RBBP8: variants seen among roughly 807,000 people sequenced by gnomAD.
The protein encoded by RBBP8 is DNA endonuclease RBBP8.
Under a neutral mutation model 108.3 loss-of-function variants are expected in RBBP8, and 88 were observed. That is an observed-to-expected ratio of 0.81 (90% CI 0.68 to 0.97). The LOEUF is 0.97. Among genes scored for constraint, RBBP8 ranks in the 50% least tolerant of loss-of-function variants. RBBP8 has a pLI of 0.00. For synonymous variants in RBBP8, 332 were observed against 348.2 expected (o/e 0.95, Z 0.52); for missense variants, 1,023 against 1,049.0 (o/e 0.98, Z 0.34).
chr18:22,946,197 A>G (rs915128136), intron 2 of RBBP8: 5 of 420,642 alleles, frequency 1.2e-5, no homozygotes, highest in Admixed American at 7.6e-5. Flanking sequence ...TTGCCCTGCT[A>G]TTAGAAAAGT....
Position 22,984,961 on chromosome 18 carries a change from C to A in RBBP8, c.680C>A (p.Thr227Asn). The part of the protein sequence containing the change: ...PNENEILVAD[T>N]YDQSQSPMAK... Reference sequence around the variant, plus strand: ...GAAAATGAAATTCTAGTAGCTGACACTTATGACCAAAGTCAATCTCCAATG... The same window carrying A: ...GAAAATGAAATTCTAGTAGCTGACAATTATGACCAAAGTCAATCTCCAATG... Residue 227 changes from threonine to asparagine, a missense_variant, in exon 8 of 19, where the codon ACT becomes AAT. Physicochemically the swap from Thr to Asn is moderately conservative, Grantham distance 65. Coordinates refer to ENST00000327155, the MANE Select transcript of RBBP8 (RefSeq NM_002894.3). The A allele has an allele frequency of 6.2e-7, 1 of 1,611,826 alleles. No homozygotes were observed. The highest frequency in any genetic ancestry group is 8.5e-7 in the Non-Finnish European group (1 of 1,178,414).
At chr18:23,022,637 T>TA (rs376205689) in intron 18 of RBBP8, among the ~76,000 whole-genome samples, 27,480 of 66,544 alleles carry the variant, frequency 0.41, 6,620 homozygotes, top group Middle Eastern at 0.56. Flanking sequence ...TAAAATAAAA[T>TA]AAATAAAATA....
chr18:22,946,269 G>A, intron 2 of RBBP8, 175 bp from the exon 3 acceptor site: 1 of 721,848 alleles, frequency 1.4e-6, no homozygotes, highest in South Asian at 2.0e-5. Flanking sequence ...TAGACTAAAA[G>A]CAATACATTG....
At chr18:22,964,067 T>C (rs550596073) in intron 4 of RBBP8, among the ~76,000 whole-genome samples, 66 of 152,320 alleles carry the variant, frequency 4.3e-4, no homozygotes, top group African/African-American at 1.5e-3. Context: ...GCTTCTAATG[T>C]TGCTGTTGAA....
intron 4 of RBBP8, among the ~76,000 whole-genome samples, chr18:22,965,628 C>G (rs1026725135): frequency 2.0e-5 from 3 of 152,228 alleles, no homozygotes; most frequent in African/African-American, 7.2e-5. Flanking sequence ...ACCAGACACT[C>G]TCTGTTTTAG....
chr18:22,972,247 C>T (rs368768288), intron 5 of RBBP8, among the ~76,000 whole-genome samples: 1 of 149,066 alleles, frequency 6.7e-6, no homozygotes, highest in East Asian at 2.1e-4. Flanking sequence ...ATCCCAGCTA[C>T]TCGGAAGGCT....
chr18:22,924,652 G>C lies in RBBP8; in HGVS notation c.-153-4731G>C, dbSNP rs376436209. On this transcript the variant is annotated intron_variant, in intron 3 of 4. Coordinates refer to the RBBP8 transcript ENST00000577588. Reference sequence around the variant, plus strand: ...TGCCCAGGCTGGTCTCAAACTTCTGGGCTCAAGTGATCCTCCTGCCTTAGC... The same window carrying C: ...TGCCCAGGCTGGTCTCAAACTTCTGCGCTCAAGTGATCCTCCTGCCTTAGC... 5.3e-5 allele frequency among the ~76,000 whole-genome samples: 8 copies of C among 150,722 alleles called. No individual in the cohort carries two copies. In the South Asian group the frequency reaches 8.4e-4, roughly 16 times the overall value.
rs1913024013 is a variant in RBBP8, at chr18:22,960,725, A to G, written c.249-8081A>G. ...AGTGCTAAGATTATAGGAGTGAGCC[A>G]CTGTGCCTGGCCTATAAAAATTTTT... On this transcript the variant is annotated intron_variant, in intron 4 of 18. Transcript: ENST00000327155. Among the ~76,000 whole-genome samples, 3 of 152,346 alleles carry G rather than the reference A, an allele frequency of 2.0e-5. 1 individual carries two copies. The South Asian group carries it at 6.2e-4, about 32-fold the overall frequency.
At chr18:22,950,407 G>A (rs910182521) in intron 4 of RBBP8, among the ~76,000 whole-genome samples, 3 of 152,054 alleles carry the variant, frequency 2.0e-5, no homozygotes, top group Non-Finnish European at 2.9e-5. Context: ...CAAACAAAGC[G>A]AGACCCTGTC....
chr18:23,005,466 G>A (rs540859994), intron 15 of RBBP8, among the ~76,000 whole-genome samples: 1 of 152,004 alleles, frequency 6.6e-6, no homozygotes, highest in Non-Finnish European at 1.5e-5. Context: ...AGGCTGGAGT[G>A]CAGTGGCACA....
chr18:23,015,586 T>G (rs892053807), intron 16 of RBBP8, among the ~76,000 whole-genome samples: 2 of 152,104 alleles, frequency 1.3e-5, no homozygotes, highest in African/African-American at 2.4e-5. Context: ...AGTTTTATAG[T>G]TTTGGGTCTT....
chr18:23,013,374 T>G (rs1449643905), intron 16 of RBBP8, among the ~76,000 whole-genome samples: 1 of 152,024 alleles, frequency 6.6e-6, no homozygotes, highest in Non-Finnish European at 1.5e-5. Flanking sequence ...TTTTGCAGAG[T>G]CGGTTTTTGG....
At chr18:22,964,528 C>T (rs1913405355) in intron 4 of RBBP8, among the ~76,000 whole-genome samples, 1 of 151,378 alleles carries the variant, frequency 6.6e-6, no homozygotes. Flanking sequence ...GAATAATTGC[C>T]CAGTTTTATC....
chr18:23,013,375 C>T (rs575808370), intron 16 of RBBP8, among the ~76,000 whole-genome samples: 4 of 151,996 alleles, frequency 2.6e-5, no homozygotes, highest in African/African-American at 7.2e-5. Flanking sequence ...TTTGCAGAGT[C>T]GGTTTTTGGG....
chr18:22,934,690 G>A (rs1299305245), intron 1 of RBBP8: 2 of 147,456 alleles, frequency 1.4e-5, no homozygotes, highest in East Asian at 4.0e-4. Flanking sequence ...GGCAGGCCCC[G>A]GTGTGTGACG....
chr18:22,938,744 C>A (rs931514172), intron 2 of RBBP8, among the ~76,000 whole-genome samples: 4 of 152,194 alleles, frequency 2.6e-5, no homozygotes, highest in Non-Finnish European at 5.9e-5. Flanking sequence ...CTATAAAATT[C>A]TTTGCAGGAT....
intron 6 of RBBP8, among the ~76,000 whole-genome samples, chr18:22,980,109 G>C (rs557979566): frequency 2.0e-4 from 31 of 152,216 alleles, no homozygotes; most frequent in Non-Finnish European, 4.0e-4. Context: ...AGCCAGGCAT[G>C]GTGTTGCACG....
In RBBP8 at chr18:22,993,774, A is replaced by C. The variant is rs999011131; in HGVS notation, c.1866A>C (p.Gly622=). The C allele has an allele frequency of 6.2e-7, 1 of 1,614,024 alleles. No homozygotes were observed. The highest frequency in any genetic ancestry group is 1.1e-5 in the South Asian group (1 of 91,076). Residue 622 remains glycine, a synonymous_variant, in exon 12 of 19, where the codon GGA becomes GGC. Transcript: ENST00000327155. ...TACAAACCAGGTCAGACCATGGAGG[A>C]TGTGAACTTGCATCAGTTCTTCAGT... ...IKIQTRSDHG[G]CELASVLQLN... is the part of the protein sequence containing the mutation.
At chr18:22,969,176 T>G (rs550995457) in intron 5 of RBBP8, among the ~76,000 whole-genome samples, 12 of 137,744 alleles carry the variant, frequency 8.7e-5, no homozygotes, top group African/African-American at 3.5e-4. Flanking sequence ...GCAGGTGGTG[T>G]TTTTTTTTTT....
Sources: allele counts gnomAD v4.1 joint callset (sites outside exome capture counted in the v4.1 genomes callset), GRCh38; gene constraint gnomAD v4.1.1; transcripts MANE v1.5; gene names NCBI Gene and HGNC (gene_info 2026-07-23, HGNC 2026-07-21).